The following ZNF3 variants were observed in gnomAD, a reference collection of about 807,000 sequenced individuals.
The protein encoded by ZNF3 is zinc finger protein 3, also known as C2-H2 type zinc finger protein.
In ZNF3, 16 loss-of-function variants were observed where a neutral mutation model predicts 36.9. That is an observed-to-expected ratio of 0.43 (90% CI 0.29 to 0.66). ZNF3 has a LOEUF of 0.66. Among genes scored for constraint, ZNF3 ranks in the 30% least tolerant of loss-of-function variants. ZNF3 has a pLI of 0.13. For missense variants in ZNF3, 462 were observed against 543.1 expected, an observed-to-expected ratio of 0.85 and a Z score of 1.48; for synonymous variants, 201 against 201.9, an observed-to-expected ratio of 1.00 and a Z score of 0.04.
chr7:100,070,239 AG>A lies in ZNF3; in HGVS notation c.*903del, dbSNP rs2116240672. ...TCAGCTGCTGAAGAGTCAGAGGTGG[AG>A]GCAGGAGTGGTCTGGCTCCTGGGGC... On this transcript the variant is annotated 3_prime_UTR_variant, in exon 6 of 6. Coordinates refer to ENST00000299667, the MANE Select transcript of ZNF3 (RefSeq NM_032924.5). 1.0e-6 allele frequency: 1 copy of A among 984,674 alleles called. No individual in the cohort carries two copies. The highest frequency in any genetic ancestry group is 4.7e-5 in the South Asian group (1 of 21,262). 61.0% of individuals were successfully genotyped at this position (984,674 alleles called of 1,614,324 possible).
chr7:100,077,399 G>A lies in ZNF3; in HGVS notation c.-42C>T. The A allele has an allele frequency of 6.2e-7, 1 of 1,613,344 alleles. No homozygotes were observed. The highest frequency in any genetic ancestry group is 8.5e-7 in the Non-Finnish European group (1 of 1,179,816). ...CTCTGGTCTCCTGGGTGCAGACTCAGCGGGAAGCGGGTTTTAAAAGAGAAT... is the reference window on the plus strand; with the variant it reads ...CTCTGGTCTCCTGGGTGCAGACTCAACGGGAAGCGGGTTTTAAAAGAGAAT... On this transcript the variant is annotated 5_prime_UTR_variant, in exon 3 of 6. Coordinates refer to ENST00000299667, the MANE Select transcript of ZNF3 (RefSeq NM_032924.5).
downstream of ZNF3, among the ~76,000 whole-genome samples, chr7:100,068,611 A>T (rs1207341341): frequency 6.6e-6 from 1 of 151,044 alleles, no homozygotes; most frequent in Non-Finnish European, 1.5e-5. Context: ...ACTGCACTCC[A>T]GCCTGGGCAA....
rs1399667463 is a variant in ZNF3 at position 100,072,038 on chromosome 7, T to G, written c.446A>C (p.Asn149Thr). Reference sequence around the variant, plus strand: ...TTGACCAAAATCTGGCATTTTCCTGTTCAGTCTTTCTCCAGGGGAGTTCCC... The same window carrying G: ...TTGACCAAAATCTGGCATTTTCCTGGTCAGTCTTTCTCCAGGGGAGTTCCC... ...PLGNSPGERL[N>T]RKMPDFGQVT... Residue 149 changes from asparagine (N) to threonine (T), a missense_variant, in exon 6 of 6, where the codon AAC becomes ACC. By Grantham distance (65) the Asn-to-Thr change is moderately conservative. Transcript: ENST00000299667. 1.2e-6 allele frequency: 2 copies of G among 1,614,058 alleles called. No homozygotes were observed. The highest frequency in any genetic ancestry group is 8.5e-7 in the Non-Finnish European group (1 of 1,180,042).
upstream of ZNF3, among the ~76,000 whole-genome samples, chr7:100,081,944 T>C (rs1249173242): frequency 1.7e-4 from 26 of 152,146 alleles, no homozygotes. This position sits in a 1 kb window ranked among gnomAD's most constrained non-coding sequence, Gnocchi z 4.3. Flanking sequence ...CTGCGCCCTC[T>C]GCTGGCCACG....
At chr7:100,067,107 T>C (rs1368523835), downstream of ZNF3, among the ~76,000 whole-genome samples, 1 of 152,350 alleles carries the variant, frequency 6.6e-6, no homozygotes, top group South Asian at 2.1e-4. Context: ...ACTTTGCCTG[T>C]GATAGCTCAG....
At position 100,073,385 on chromosome 7, in the gene ZNF3, A is replaced by G. The variant is rs148087678; in HGVS notation, c.272-1173T>C. 5.3e-3 allele frequency among the ~76,000 whole-genome samples: 801 copies of G among 152,134 alleles called. 13 individuals carry two copies. Among genetic ancestry groups the G allele is most frequent in the Admixed American group, 0.015 (226 of 15,258 alleles). On this transcript the variant is annotated intron_variant, in intron 5 of 5. Coordinates refer to ENST00000299667, the MANE Select transcript of ZNF3 (RefSeq NM_032924.5). ...TGTTTTTGAGACAAGGTCTCACTCT[A>G]TCGCCCAGGATGGAGTGCAGTGGCG...
At chr7:100,067,550 G>A (rs1792712122), downstream of ZNF3, among the ~76,000 whole-genome samples, 1 of 152,086 alleles carries the variant, frequency 6.6e-6, no homozygotes, top group Non-Finnish European at 1.5e-5. Context: ...GACTACAGAT[G>A]TGTGCCACCA....
chr7:100,068,851 C>G (rs1231195150), downstream of ZNF3, among the ~76,000 whole-genome samples: 3 of 151,778 alleles, frequency 2.0e-5, no homozygotes, highest in Admixed American at 6.6e-5. Flanking sequence ...GAGTCTCACT[C>G]TGTTGCCCAG....
downstream of ZNF3, among the ~76,000 whole-genome samples, chr7:100,065,637 A>G (rs984694399): frequency 2.6e-5 from 4 of 151,686 alleles, no homozygotes; most frequent in Non-Finnish European, 4.4e-5. Flanking sequence ...AGTTCCATTC[A>G]GGGTGTGGTA....
chr7:100,066,789 CTT>C (rs1792675187), downstream of ZNF3, among the ~76,000 whole-genome samples: 1 of 151,900 alleles, frequency 6.6e-6, no homozygotes, highest in South Asian at 2.1e-4. Flanking sequence ...AATCCCAACA[CTT>C]TGGGAGGTTG....
At position 100,071,972 on chromosome 7, in the gene ZNF3, CTT is replaced by C; in HGVS notation, c.510_511del (p.Ser171ArgfsTer4). ...GTTCCCAAAATCATTATATTTCTCGCTTCTCTCTCCCCTGGGGGTTAGCTTCT... is the reference window on the plus strand; with the variant it reads ...GTTCCCAAAATCATTATATTTCTCGCCTCTCTCCCCTGGGGGTTAGCTTCT... On this transcript the variant is annotated frameshift_variant, in exon 6 of 6. Coordinates refer to ENST00000299667, the MANE Select transcript of ZNF3 (RefSeq NM_032924.5). LOFTEE classifies it high-confidence loss of function. 1 of 1,614,090 alleles carries C rather than the reference CTT, an allele frequency of 6.2e-7. No homozygotes were observed. Among genetic ancestry groups the C allele is most frequent in the Non-Finnish European group, 8.5e-7 (1 of 1,179,988 alleles).
Position 100,072,128 on chromosome 7 carries a change from T to A in ZNF3, c.356A>T (p.Asp119Val), listed in dbSNP as rs748144707. Residue 119 changes from aspartate (D) to valine (V), a missense_variant, in exon 6 of 6, where the codon GAT (aspartate) becomes GTT (valine). By Grantham distance (152) the Asp-to-Val change is radical (BLOSUM62 -3). Coordinates refer to ENST00000299667, the MANE Select transcript of ZNF3 (RefSeq NM_032924.5). ...HGVLLGRFQK[D>V]ISQGLKFKEA... ...TTTAAACTTGAGACCCTGAGAAATATCCTTTTGAAATCTTCCCAGTAGGAC... is the reference window on the plus strand; with the variant it reads ...TTTAAACTTGAGACCCTGAGAAATAACCTTTTGAAATCTTCCCAGTAGGAC... 6.2e-7 allele frequency: 1 copy of A among 1,613,768 alleles called. No individual in the cohort carries two copies. Among genetic ancestry groups the A allele is most frequent in the Non-Finnish European group, 8.5e-7 (1 of 1,179,972 alleles).
chr7:100,077,045 T>C (rs979763176), intron 3 of ZNF3: 21 of 371,466 alleles, frequency 5.7e-5, no homozygotes, highest in African/African-American at 4.1e-4. Flanking sequence ...CACTCTAGCC[T>C]GAGCAACAGA....
At chr7:100,067,423 C>T (rs545237941), downstream of ZNF3, among the ~76,000 whole-genome samples, 22 of 152,280 alleles carry the variant, frequency 1.4e-4, no homozygotes, top group East Asian at 3.9e-3. Context: ...CATCATTCCT[C>T]GCCAAGTATT....
chr7:100,069,551 CAAAAAA>C (rs57428777), downstream of ZNF3, among the ~76,000 whole-genome samples: 2 of 107,930 alleles, frequency 1.9e-5, no homozygotes, highest in Admixed American at 9.1e-5. Context: ...GACTCTGTCT[CAAAAAA>C]AAAAAAAAAA....
downstream of ZNF3, chr7:100,063,881 T>C (rs749234767): frequency 2.5e-6 from 4 of 1,614,124 alleles, no homozygotes; most frequent in South Asian, 4.4e-5. Context: ...TCTGTGATTA[T>C]CGCCAATAAA....
rs1793283564 is a variant in ZNF3 at position 100,072,164 on chromosome 7, C to G, written c.320G>C (p.Arg107Thr). The G allele has an allele frequency of 6.2e-7, 1 of 1,600,032 alleles. No individual in the cohort carries two copies. Among genetic ancestry groups the G allele is most frequent in the Non-Finnish European group, 8.5e-7 (1 of 1,176,314 alleles). The change falls in exon 6 of 6, where the codon AGA becomes ACA. Residue 107 changes from arginine (R) to threonine (T), a missense_variant. Transcript: ENST00000299667. ...ENDQEISEDT[R>T]SHGVLLGRFQ... ...TCTTCCCAGTAGGACCCCATGTGAT[C>G]TTGTGTCTTCAGAAATTTCTTGATC... is the stretch of plus-strand genomic sequence containing the variant.
chr7:100,077,260 C>T, intron 3 of ZNF3, 43 bp downstream of exon 3: 3 of 1,612,666 alleles, frequency 1.9e-6, no homozygotes, highest in Non-Finnish European at 2.5e-6. Context: ...TGGATGATTG[C>T]AGAATGACTG....
At chr7:100,068,659 TATAAA>T (rs1191590377), downstream of ZNF3, among the ~76,000 whole-genome samples, 4 of 151,614 alleles carry the variant, frequency 2.6e-5, no homozygotes, top group African/African-American at 9.7e-5. Context: ...AATGGCAATC[TATAAA>T]GTAATTTCAT....
Sources: gnomAD v4.1 joint callset for allele counts (sites outside exome capture counted in the v4.1 genomes callset) on GRCh38, gnomAD v4.1.1 for gene constraint, Gnocchi (gnomAD v3.1) non-coding constraint, MANE v1.5 for transcripts, NCBI Gene and HGNC (gene_info 2026-07-23, HGNC 2026-07-21) for gene names.